Variants in SEL1L2 observed in about 807,000 individuals in gnomAD.
SEL1L2 encodes the protein SEL1L2 adaptor subunit of SYVN1 ubiquitin ligase, also known as protein sel-1 homolog 2.
A neutral mutation model predicts 98.8 loss-of-function variants in SEL1L2; 89 were observed. The ratio of observed to expected loss-of-function variants is 0.90; its 90% CI spans 0.76 to 1.07. The LOEUF (loss-of-function observed/expected upper bound fraction) is 1.07, where lower values mean the gene tolerates loss of function less well. Ranked by LOEUF, SEL1L2 falls within the 50% of genes least tolerant of loss-of-function variation. The pLI is 0.00. For missense variants in SEL1L2, 788 were observed against 812.0 expected (o/e 0.97, Z 0.36); for synonymous variants, 262 against 278.5 (o/e 0.94, Z 0.59).
At chr20:13,911,019 A>T (rs1320228520) in intron 5 of SEL1L2, among the ~76,000 whole-genome samples, 12 of 152,240 alleles carry the variant, frequency 7.9e-5, no homozygotes, top group Admixed American at 7.9e-4. Context: ...TGCTTTATTT[A>T]TATACAAACA....
At chr20:13,914,399 C>A (rs1284920053) in intron 4 of SEL1L2, among the ~76,000 whole-genome samples, 2 of 152,176 alleles carry the variant, frequency 1.3e-5, no homozygotes, top group Admixed American at 6.5e-5. Context: ...TAGGAAGTTA[C>A]TATCAGAAGA....
chr20:13,966,045 CAT>C lies in SEL1L2; in HGVS notation c.59-9916_59-9915del, dbSNP rs538534789. On this transcript the variant is annotated intron_variant, in intron 1 of 19. Transcript: ENST00000284951. The stretch of plus-strand genomic sequence containing the variant: ...TTTTGGAATATTATGAGAATTACCA[CAT>C]GTGACAGAGACACGAAATGTGCATA... 6.8e-4 allele frequency among the ~76,000 whole-genome samples: 103 copies of C among 151,818 alleles called. No homozygotes were observed. The East Asian group carries it at 7.2e-3, about 11-fold the overall frequency.
intron 1 of SEL1L2, among the ~76,000 whole-genome samples, chr20:13,957,538 C>T (rs1035777847): frequency 2.0e-5 from 3 of 152,154 alleles, no homozygotes; most frequent in African/African-American, 7.2e-5. Context: ...CAGATTGATT[C>T]ATATTTAGTC....
In SEL1L2 at chr20:13,859,362, G is replaced by A. The variant is rs201462576; in HGVS notation, c.1718C>T (p.Thr573Ile). Residue 573 changes from threonine to isoleucine, a missense_variant, in exon 18 of 20, where the codon ACA (threonine) becomes ATA (isoleucine). Coordinates refer to ENST00000284951, the MANE Select transcript of SEL1L2 (RefSeq NM_025229.2). ...YGYGTKKDYQ[T>I]AATHYSIAAN... ...TGCAATGCTGTAGTGTGTGGCTGCT[G>A]TTTGATAGTCTTTCTTAGTCCCATA... 1.1e-5 allele frequency: 17 copies of A among 1,614,116 alleles called. No individual in the cohort carries two copies. The East Asian group carries it at 3.8e-4, about 36-fold the overall frequency.
chr20:13,918,996 C>A (rs746227523), intron 4 of SEL1L2, 25 bp downstream of exon 4: 10 of 1,502,280 alleles, frequency 6.7e-6, no homozygotes, highest in Admixed American at 1.8e-5. Flanking sequence ...TTCAACTTGG[C>A]TAAGGTCACT....
At chr20:13,901,384 A>G (rs945689292) in intron 5 of SEL1L2, among the ~76,000 whole-genome samples, 10 of 151,970 alleles carry the variant, frequency 6.6e-5, no homozygotes, top group African/African-American at 2.4e-4. Flanking sequence ...CTTGTTTATT[A>G]AAACACGTAA....
intron 2 of SEL1L2, among the ~76,000 whole-genome samples, chr20:13,942,152 A>G (rs936533966): frequency 1.3e-5 from 2 of 152,196 alleles, no homozygotes; most frequent in African/African-American, 4.8e-5. Context: ...TGTTTAGGTA[A>G]ATGAATGAGA....
intron 10 of SEL1L2, 142 bp downstream of exon 10, chr20:13,885,205 G>A (rs1410905710): frequency 2.2e-5 from 14 of 645,400 alleles, no homozygotes; most frequent in Middle Eastern, 2.7e-4. Flanking sequence ...AAGAAGCTGG[G>A]AAGCATAGCT....
intron 1 of SEL1L2, among the ~76,000 whole-genome samples, chr20:13,977,154 T>A (rs141388537): frequency 4.6e-5 from 7 of 152,318 alleles, no homozygotes; most frequent in African/African-American, 1.4e-4. Flanking sequence ...ATCATGTAGC[T>A]GGATATGCTG....
At chr20:13,899,834 ATTC>A (rs1445820992) in intron 5 of SEL1L2, among the ~76,000 whole-genome samples, 1 of 152,220 alleles carries the variant, frequency 6.6e-6, no homozygotes, top group African/African-American at 2.4e-5. Flanking sequence ...ACAAAAATGT[ATTC>A]TTAATGTTGA....
intron 5 of SEL1L2, among the ~76,000 whole-genome samples, chr20:13,904,688 C>T (rs6042426): frequency 0.97 from 146,957 of 152,224 alleles, 70,985 homozygotes; most frequent in East Asian, 1. Flanking sequence ...ACCCTTGTAA[C>T]GTATATATAA....
rs576799798 is a variant in SEL1L2 at position 13,937,370 on chromosome 20, TG to T, written c.115-5600del. On this transcript the variant is annotated intron_variant, in intron 2 of 19. Transcript: ENST00000284951. ...AGCGACTGGAGCCCGACATGCGCAC[TG>T]GGGGAAGTGGGTGGAGCCAGGAGGA... 3.9e-5 allele frequency among the ~76,000 whole-genome samples: 6 copies of T among 152,280 alleles called. No individual in the cohort carries two copies. In the South Asian group the frequency reaches 1.2e-3, roughly 32 times the overall value.
chr20:13,879,653 G>C (rs751680382), intron 10 of SEL1L2, among the ~76,000 whole-genome samples: 1 of 151,976 alleles, frequency 6.6e-6, no homozygotes, highest in Non-Finnish European at 1.5e-5. Flanking sequence ...ACACCTAGAC[G>C]TAAGGATTTT....
At chr20:13,958,818 C>A (rs190643570) in intron 1 of SEL1L2, among the ~76,000 whole-genome samples, 1 of 151,796 alleles carries the variant, frequency 6.6e-6, no homozygotes, top group Non-Finnish European at 1.5e-5. Context: ...GTGGCAGGCG[C>A]CTGTAGTCCC....
chr20:13,884,270 A>G (rs927339546), intron 10 of SEL1L2, among the ~76,000 whole-genome samples: 2 of 152,150 alleles, frequency 1.3e-5, no homozygotes, highest in East Asian at 3.9e-4. Flanking sequence ...GACAAGGAGC[A>G]TGTGGCTCCT....
At chr20:13,934,664 C>T (rs1422908112) in intron 2 of SEL1L2, among the ~76,000 whole-genome samples, 2 of 150,710 alleles carry the variant, frequency 1.3e-5, no homozygotes, top group Non-Finnish European at 2.9e-5. Flanking sequence ...GGTAGTTCTA[C>T]TTTTAGTTGT....
At chr20:13,955,471 A>G (rs761006732) in intron 2 of SEL1L2, among the ~76,000 whole-genome samples, 16 of 152,242 alleles carry the variant, frequency 1.1e-4, no homozygotes, top group Admixed American at 1.3e-4. Flanking sequence ...AGTCCAGTGT[A>G]TATGCAATAA....
chr20:13,955,950 A>G, intron 2 of SEL1L2, 126 bp downstream of exon 2: 1 of 628,236 alleles, frequency 1.6e-6, no homozygotes, highest in East Asian at 2.9e-5. Context: ...TGAATGAAAG[A>G]ATAATATTGA....
intron 8 of SEL1L2, among the ~76,000 whole-genome samples, chr20:13,887,481 C>T (rs2047008880): frequency 6.6e-6 from 1 of 152,022 alleles, no homozygotes; most frequent in Non-Finnish European, 1.5e-5. Flanking sequence ...ATCGGTGCTA[C>T]ATTCAAATTC....
Sources: gnomAD v4.1 joint callset for allele counts (sites outside exome capture counted in the v4.1 genomes callset) on GRCh38, gnomAD v4.1.1 for gene constraint, MANE v1.5 for transcripts, NCBI Gene and HGNC (gene_info 2026-07-23, HGNC 2026-07-21) for gene names.